AUH: variants seen among roughly 807,000 people sequenced by gnomAD.
AUH encodes the protein AU RNA binding methylglutaconyl-CoA hydratase, also known as methylglutaconyl-CoA hydratase, mitochondrial.
A neutral mutation model predicts 42.3 loss-of-function variants in AUH; 29 were observed. The ratio of observed to expected loss-of-function variants is 0.69; its 90% CI spans 0.51 to 0.93. AUH has a LOEUF of 0.93. Ranked by LOEUF, AUH falls within the 40% of genes least tolerant of loss-of-function variation. AUH has a pLI of 0.00. For missense variants in AUH, 452 were observed against 438.1 expected, an observed-to-expected ratio of 1.03 and a Z score of -0.28; for synonymous variants, 174 against 166.4, an observed-to-expected ratio of 1.05 and a Z score of -0.35.
chr9:91,312,153 T>C (rs1828747422), intron 4 of AUH, among the ~76,000 whole-genome samples: 1 of 152,214 alleles, frequency 6.6e-6, no homozygotes, highest in South Asian at 2.1e-4. Flanking sequence ...TGATCTCTAT[T>C]TTAATAAAAC....
chr9:91,332,414 A>G (rs1320388278), intron 3 of AUH, among the ~76,000 whole-genome samples: 2 of 152,202 alleles, frequency 1.3e-5, no homozygotes, highest in Admixed American at 1.3e-4. Flanking sequence ...AGGCAGGAAA[A>G]TCACTTGAAT....
At position 91,231,519 on chromosome 9, in the gene AUH, G is replaced by A. The variant is rs369111048; in HGVS notation, c.656-10527C>T. 1.9e-4 allele frequency among the ~76,000 whole-genome samples: 29 copies of A among 152,316 alleles called. No individual in the cohort carries two copies. In the South Asian group the frequency reaches 5.4e-3, roughly 28 times the overall value. On this transcript the variant is annotated intron_variant, in intron 6 of 9. Transcript: ENST00000375731. ...AATGCAGAAATCACCCGTCTTCTGC[G>A]TAGCTCAGGCTGGGAGCTGTAGACC...
intron 6 of AUH, among the ~76,000 whole-genome samples, chr9:91,244,889 A>C (rs1828711415): frequency 6.6e-6 from 1 of 152,246 alleles, no homozygotes. Flanking sequence ...CAGAGGTTAA[A>C]GGTTAAAAGT....
At chr9:91,261,771 G>C (rs1330700769) in intron 6 of AUH, among the ~76,000 whole-genome samples, 1 of 152,194 alleles carries the variant, frequency 6.6e-6, no homozygotes, top group Admixed American at 6.5e-5. Context: ...CAGGATCACA[G>C]AACTGTGCTA....
chr9:91,355,978 G>C lies in AUH; in HGVS notation c.331-8C>G, dbSNP rs758271092. ...ATCCACAGCTTTTGATAGCTAAACA[G>C]AAATAGGAAGCATAGGAGGAAAAAG... On this transcript the variant is annotated splice_polypyrimidine_tract_variant and splice_region_variant and intron_variant, in intron 2 of 9. Coordinates refer to ENST00000375731, the MANE Select transcript of AUH (RefSeq NM_001698.3). 6.2e-7 allele frequency: 1 copy of C among 1,606,828 alleles called. No homozygotes were observed. Among genetic ancestry groups the C allele is most frequent in the Admixed American group, 1.7e-5 (1 of 59,720 alleles).
intron 3 of AUH, among the ~76,000 whole-genome samples, chr9:91,352,536 A>G (rs1832072801): frequency 6.6e-6 from 1 of 152,166 alleles, no homozygotes; most frequent in Non-Finnish European, 1.5e-5. Flanking sequence ...CTAAAAATTG[A>G]TTAAAAAACT....
At chr9:91,247,668 A>C (rs1177034571) in intron 6 of AUH, among the ~76,000 whole-genome samples, 1 of 152,218 alleles carries the variant, frequency 6.6e-6, no homozygotes, top group Non-Finnish European at 1.5e-5. Context: ...AGTGTTCTAC[A>C]TCCTTGCCAA....
chr9:91,236,418 C>T (rs534734652), intron 6 of AUH, among the ~76,000 whole-genome samples: 4 of 152,268 alleles, frequency 2.6e-5, no homozygotes, highest in South Asian at 2.1e-4. Context: ...TTAATCCTTA[C>T]AATTCCCCTA....
At chr9:91,251,927 C>T (rs963283713) in intron 6 of AUH, among the ~76,000 whole-genome samples, 2 of 152,086 alleles carry the variant, frequency 1.3e-5, no homozygotes, top group Non-Finnish European at 2.9e-5. Context: ...TATCAATCTT[C>T]GGTCAACCTT....
chr9:91,254,736 T>A (rs922137133), intron 6 of AUH, among the ~76,000 whole-genome samples: 7 of 152,224 alleles, frequency 4.6e-5, no homozygotes, highest in African/African-American at 1.7e-4. Context: ...TGCAACAATA[T>A]GTTTACACTG....
chr9:91,348,726 A>G lies in AUH; in HGVS notation c.418+7157T>C, dbSNP rs1419047471. On this transcript the variant is annotated intron_variant, in intron 3 of 9. Transcript: ENST00000375731. Reference sequence around the variant, plus strand: ...CTAAACTAGGAGCAGCAAGGAGATTAGTACTTTCAGAGATCAGGGCAAGGG... The same window carrying G: ...CTAAACTAGGAGCAGCAAGGAGATTGGTACTTTCAGAGATCAGGGCAAGGG... 2.0e-5 allele frequency among the ~76,000 whole-genome samples: 3 copies of G among 152,348 alleles called. No homozygotes were observed. The East Asian group carries it at 5.8e-4, about 29-fold the overall frequency.
At chr9:91,359,024 T>C (rs867292562) in intron 1 of AUH, among the ~76,000 whole-genome samples, 10 of 152,190 alleles carry the variant, frequency 6.6e-5, no homozygotes, top group African/African-American at 2.4e-4. Flanking sequence ...CTAGAAAGTT[T>C]ACCAAACTCA....
intron 3 of AUH, among the ~76,000 whole-genome samples, chr9:91,325,719 T>A (rs1564103415): frequency 6.6e-6 from 1 of 152,184 alleles, no homozygotes; most frequent in Admixed American, 6.5e-5. Context: ...AAATCAAAAC[T>A]AAGAAATTGT....
At chr9:91,227,122 A>C (rs1384721405) in intron 6 of AUH, among the ~76,000 whole-genome samples, 1 of 150,366 alleles carries the variant, frequency 6.7e-6, no homozygotes, top group African/African-American at 2.4e-5. Context: ...GATGGCATTG[A>C]ATCTGTAAAT....
At chr9:91,321,469 C>T (rs1288706720) in intron 4 of AUH, among the ~76,000 whole-genome samples, 1 of 151,982 alleles carries the variant, frequency 6.6e-6, no homozygotes, top group African/African-American at 2.4e-5. Context: ...ATTTTAAACT[C>T]CCTATCAAAG....
At position 91,220,922 on chromosome 9, in the gene AUH, G is replaced by A; in HGVS notation, c.726C>T (p.Val242=). The change falls in exon 7 of 10, where the codon GTC becomes GTT. Residue 242 remains valine (V), a synonymous_variant. Transcript: ENST00000375731. The part of the protein sequence containing the change: ...LAKELIFSAR[V]LDGKEAKAVG... ...CTGCTTTGGCTTCTTTGCCATCGAGGACTCGCGCAGAGAATATGAGCTCCT... is the reference window on the plus strand; with the variant it reads ...CTGCTTTGGCTTCTTTGCCATCGAGAACTCGCGCAGAGAATATGAGCTCCT... 1 of 1,614,248 alleles carries A rather than the reference G, an allele frequency of 6.2e-7. No homozygotes were observed. Among genetic ancestry groups the A allele is most frequent in the African/African-American group, 1.3e-5 (1 of 75,068 alleles).
At chr9:91,333,750 C>T (rs1830500777) in intron 3 of AUH, among the ~76,000 whole-genome samples, 1 of 152,230 alleles carries the variant, frequency 6.6e-6, no homozygotes, top group East Asian at 1.9e-4. Flanking sequence ...CAAGAAACAT[C>T]TAACAAGTTC....
At chr9:91,215,721 C>A (rs1826784062) in intron 9 of AUH, among the ~76,000 whole-genome samples, 2 of 152,170 alleles carry the variant, frequency 1.3e-5, no homozygotes, top group Admixed American at 1.3e-4. Context: ...GGCACACGCT[C>A]ATCACCACTC....
chr9:91,295,913 T>C (rs1159017479), intron 6 of AUH, 108 bp downstream of exon 6: 2 of 1,260,274 alleles, frequency 1.6e-6, no homozygotes, highest in Non-Finnish European at 2.3e-6. Flanking sequence ...CAATATGCCA[T>C]TGTCTCTTTA....
Sources: allele counts gnomAD v4.1 joint callset (sites outside exome capture counted in the v4.1 genomes callset), GRCh38; gene constraint gnomAD v4.1.1; transcripts MANE v1.5; gene names NCBI Gene and HGNC (gene_info 2026-07-23, HGNC 2026-07-21).